PLCB1: variants seen among roughly 807,000 people sequenced by gnomAD.
PLCB1 encodes the protein 1-phosphatidylinositol 4,5-bisphosphate phosphodiesterase beta-1.
In PLCB1, 46 loss-of-function variants were observed where a neutral mutation model predicts 161.8. That is an observed-to-expected ratio of 0.28 (90% CI 0.22 to 0.36). The LOEUF is 0.36. PLCB1 is among the 10% of genes least tolerant of loss of function. The pLI, the probability that PLCB1 is intolerant of heterozygous loss-of-function variation, is 1.00. For synonymous variants in PLCB1, 517 were observed against 503.7 expected (o/e 1.03, Z -0.35); for missense variants, 1,016 against 1,472.5 (o/e 0.69, Z 5.07).
At chr20:8,138,332 T>C (rs1375871942) in intron 1 of PLCB1, among the ~76,000 whole-genome samples, 1 of 152,220 alleles carries the variant, frequency 6.6e-6, no homozygotes. Flanking sequence ...TGGTAAACTG[T>C]AAATGTTTCC....
intron 2 of PLCB1, among the ~76,000 whole-genome samples, chr20:8,262,280 G>A (rs941309279): frequency 3.3e-5 from 5 of 151,850 alleles, no homozygotes; most frequent in African/African-American, 9.7e-5. Flanking sequence ...CAGTAGAGAC[G>A]GGGTTTCACC....
At chr20:8,596,603 A>T (rs1198635715) in intron 3 of PLCB1, among the ~76,000 whole-genome samples, 1 of 88,996 alleles carries the variant, frequency 1.1e-5, no homozygotes, top group Non-Finnish European at 2.3e-5. Context: ...TTGGTTCCAT[A>T]TGAACTTTAA....
intron 19 of PLCB1, among the ~76,000 whole-genome samples, chr20:8,733,843 C>T (rs931822409): frequency 3.2e-4 from 47 of 148,310 alleles, no homozygotes; most frequent in African/African-American, 1.1e-3. Flanking sequence ...TTGGTAGGGT[C>T]GGGCGCAGTG....
At chr20:8,492,481 T>A (rs1982987950) in intron 3 of PLCB1, among the ~76,000 whole-genome samples, 1 of 152,142 alleles carries the variant, frequency 6.6e-6, no homozygotes, top group Non-Finnish European at 1.5e-5. Flanking sequence ...TGTGTGTGTG[T>A]GTTTGTGTGT....
At chr20:8,635,363 A>G (rs1166094604) in intron 4 of PLCB1, among the ~76,000 whole-genome samples, 1 of 152,172 alleles carries the variant, frequency 6.6e-6, no homozygotes, top group East Asian at 1.9e-4. Flanking sequence ...TAGGTCACGT[A>G]CAATCTTAGA....
intron 3 of PLCB1, among the ~76,000 whole-genome samples, chr20:8,547,556 GTT>G (rs1413524937): frequency 3.7e-5 from 5 of 135,454 alleles, no homozygotes; most frequent in Non-Finnish European, 8.7e-5. Context: ...TATCTAACCC[GTT>G]CTATGTTCTG....
rs574257197 is a variant in PLCB1, at chr20:8,716,487, G to T, written c.1335+139G>T. On this transcript the variant is annotated intron_variant, in intron 13 of 31. Coordinates refer to ENST00000338037, the MANE Select transcript of PLCB1 (RefSeq NM_015192.4). Reference sequence around the variant, plus strand: ...TGGTGATGAAATCTTTGACAAGGAGGATACCAGCAATGGGCCCCACTAAGG... The same window carrying T: ...TGGTGATGAAATCTTTGACAAGGAGTATACCAGCAATGGGCCCCACTAAGG... 85 of 697,964 alleles carry T rather than the reference G, an allele frequency of 1.2e-4. No individual in the cohort carries two copies. In the East Asian group the frequency reaches 2.3e-3, roughly 19 times the overall value. The allele number at this position is 697,964 out of a possible 1,614,324, so 43.2% of individuals were successfully genotyped here. A position where few individuals can be genotyped will look rare whatever the true frequency, so the allele number is the denominator to read the frequency against.
intron 3 of PLCB1, among the ~76,000 whole-genome samples, chr20:8,516,045 A>G (rs1295143343): frequency 6.6e-6 from 1 of 152,206 alleles, no homozygotes; most frequent in African/African-American, 2.4e-5. Context: ...TTCCCATTGT[A>G]AAACCATCAG....
intron 3 of PLCB1, among the ~76,000 whole-genome samples, chr20:8,374,568 A>C (rs769768345): frequency 8.5e-5 from 13 of 152,220 alleles, no homozygotes; most frequent in Non-Finnish European, 1.6e-4. Context: ...CTAGCTGCCT[A>C]TCAGAGAATT....
chr20:8,616,088 A>AT (rs1020970639), intron 3 of PLCB1, among the ~76,000 whole-genome samples: 1 of 152,096 alleles, frequency 6.6e-6, no homozygotes, highest in African/African-American at 2.4e-5. Flanking sequence ...AGTCAAGCTG[A>AT]TTTTGCCTCT....
At chr20:8,526,087 C>T (rs1026087969) in intron 3 of PLCB1, among the ~76,000 whole-genome samples, 7 of 151,952 alleles carry the variant, frequency 4.6e-5, no homozygotes, top group East Asian at 3.8e-4. Flanking sequence ...TCATGATCAG[C>T]GGTGGAGATA....
intron 3 of PLCB1, among the ~76,000 whole-genome samples, chr20:8,374,834 G>A (rs1420881771): frequency 1.6e-4 from 24 of 152,130 alleles, no homozygotes; most frequent in Admixed American, 1.6e-3. Context: ...TTGTGAAGCA[G>A]ATATTTATCA....
In PLCB1 at chr20:8,717,683, G is replaced by T; in HGVS notation, c.1348G>T (p.Val450Phe). ...TCATTTCTATTAGCTGGAATCTGGA[G>T]TTCCTCTTCCAAGCCCTATGGATTT... The part of the protein sequence containing the change: ...PLEKYPLESG[V>F]PLPSPMDLMY... Residue 450 changes from valine to phenylalanine, a missense_variant, in exon 14 of 32, where the codon GTT becomes TTT. By Grantham distance (50) the Val-to-Phe change is conservative (BLOSUM62 -1). Around this residue, in one of 10 missense-constraint regions of PLCB1, gnomAD observed 56 missense variants for 126.3 expected, o/e 0.44. Coordinates refer to ENST00000338037, the MANE Select transcript of PLCB1 (RefSeq NM_015192.4). 6.2e-7 allele frequency: 1 copy of T among 1,605,252 alleles called. No homozygotes were observed. The highest frequency in any genetic ancestry group is 8.5e-7 in the Non-Finnish European group (1 of 1,177,022).
chr20:8,161,426 G>T (rs997538089), intron 2 of PLCB1, among the ~76,000 whole-genome samples: 3 of 152,142 alleles, frequency 2.0e-5, no homozygotes, highest in South Asian at 2.1e-4. Context: ...GTGAACAGAG[G>T]TTATGTCATG....
intron 3 of PLCB1, among the ~76,000 whole-genome samples, chr20:8,373,205 C>T (rs572857990): frequency 6.6e-6 from 1 of 152,172 alleles, no homozygotes; most frequent in Admixed American, 6.5e-5. Flanking sequence ...CTTGGAGGGA[C>T]TGATTACTTC....
chr20:8,750,603 C>A (rs1036044103), intron 23 of PLCB1, among the ~76,000 whole-genome samples: 1 of 152,266 alleles, frequency 6.6e-6, no homozygotes, highest in East Asian at 1.9e-4. Context: ...CACTCCTAAA[C>A]GTTTGGGAGT....
At chr20:8,816,304 A>G (rs531753757) in intron 31 of PLCB1, among the ~76,000 whole-genome samples, 5 of 152,348 alleles carry the variant, frequency 3.3e-5, no homozygotes, top group Non-Finnish European at 5.9e-5. Context: ...CCCAGCCACA[A>G]GAAAGAAATG....
intron 3 of PLCB1, among the ~76,000 whole-genome samples, chr20:8,590,044 A>G (rs1177192021): frequency 6.6e-6 from 1 of 152,112 alleles, no homozygotes; most frequent in Non-Finnish European, 1.5e-5. Flanking sequence ...CAAAATATGA[A>G]TTTCGGGTGG....
intron 23 of PLCB1, among the ~76,000 whole-genome samples, chr20:8,752,753 A>G (rs1195595724): frequency 6.6e-6 from 1 of 151,576 alleles, no homozygotes; most frequent in Non-Finnish European, 1.5e-5. Flanking sequence ...AAATTGCACT[A>G]CTGCACTCCA....
Sources: allele counts gnomAD v4.1 joint callset (sites outside exome capture counted in the v4.1 genomes callset), GRCh38; gene constraint gnomAD v4.1.1; regional missense constraint gnomAD v4.1.1; transcripts MANE v1.5; gene names NCBI Gene and HGNC (gene_info 2026-07-23, HGNC 2026-07-21).